The following RBFOX2 variants were observed in gnomAD, a reference collection of about 807,000 sequenced individuals.
The protein encoded by RBFOX2 is RNA binding protein fox-1 homolog 2.
Under a neutral mutation model 49.1 loss-of-function variants are expected in RBFOX2, and 10 were observed. The ratio of observed to expected loss-of-function variants is 0.20; its 90% confidence interval spans 0.13 to 0.35. RBFOX2 has a LOEUF of 0.35. Ranked by LOEUF, RBFOX2 falls within the 10% of genes least tolerant of loss-of-function variation. The pLI is 1.00. For missense variants in RBFOX2, 323 were observed against 486.9 expected, an observed-to-expected ratio of 0.66 and a Z score of 3.17; for synonymous variants, 183 against 187.4, an observed-to-expected ratio of 0.98 and a Z score of 0.19.
intron 2 of RBFOX2, among the ~76,000 whole-genome samples, chr22:35,796,247 T>C (rs1948757307): frequency 6.6e-6 from 1 of 152,216 alleles, no homozygotes; most frequent in Non-Finnish European, 1.5e-5. Context: ...TTAGGTAATA[T>C]CCATTGTTAT....
At chr22:35,758,204 G>A (rs913501324) in intron 9 of RBFOX2, among the ~76,000 whole-genome samples, 24 of 152,156 alleles carry the variant, frequency 1.6e-4, no homozygotes, top group African/African-American at 5.8e-4. Context: ...AGTGTTCAAT[G>A]TAATGCACAG....
chr22:35,898,179 G>A (rs955743494), intron 1 of RBFOX2: 32 of 749,482 alleles, frequency 4.3e-5, no homozygotes, highest in South Asian at 1.2e-4. Flanking sequence ...GTGACCCCAC[G>A]CGTCCAAGGT....
chr22:35,810,177 G>C (rs1376449508), intron 1 of RBFOX2, among the ~76,000 whole-genome samples, 173 bp from the exon 3 acceptor site: 1 of 135,000 alleles, frequency 7.4e-6, no homozygotes, highest in African/African-American at 2.9e-5. Flanking sequence ...ATAGATATAT[G>C]TATGTGGACA....
At chr22:35,771,850 ATCC>A (rs1425011291) in intron 4 of RBFOX2, among the ~76,000 whole-genome samples, 14 of 152,202 alleles carry the variant, frequency 9.2e-5, no homozygotes, top group Non-Finnish European at 1.3e-4. Context: ...TTCACAGATT[ATCC>A]AGGTTTAAAA....
At chr22:35,838,516 T>G (rs972003482) in intron 1 of RBFOX2, among the ~76,000 whole-genome samples, 1 of 152,150 alleles carries the variant, frequency 6.6e-6, no homozygotes, top group Admixed American at 6.5e-5. Context: ...TGTACCAGCA[T>G]CCCCAGCGTC....
At chr22:35,939,244 C>G (rs1206949848), upstream of RBFOX2, 4 of 497,478 alleles carry the variant, frequency 8.0e-6, no homozygotes, top group Non-Finnish European at 1.2e-5. Context: ...ATCCCCAGCC[C>G]CAACTCACAC....
chr22:35,892,557 T>G (rs1255588736), intron 1 of RBFOX2, among the ~76,000 whole-genome samples: 1 of 152,228 alleles, frequency 6.6e-6, no homozygotes, highest in Admixed American at 6.5e-5. Context: ...AATGCCCATC[T>G]GCACCAATTC....
At chr22:35,875,656 G>A (rs1208619771) in intron 1 of RBFOX2, among the ~76,000 whole-genome samples, 9 of 144,680 alleles carry the variant, frequency 6.2e-5, no homozygotes, top group Non-Finnish European at 1.4e-4. Flanking sequence ...GTGTGTGTGT[G>A]TGTGTGTGTG....
chr22:35,929,073 T>C lies in RBFOX2; in HGVS notation c.-34+9774A>G, dbSNP rs553138810. On this transcript the variant is annotated intron_variant, in intron 1 of 13. Coordinates refer to the RBFOX2 transcript ENST00000359369. ...GTTCAAAGCTAAATTGAACTATGAT[T>C]GCACCACCACACTCCAGCATTGGCG... 1.2e-4 allele frequency among the ~76,000 whole-genome samples: 18 copies of C among 152,260 alleles called. 1 individual carries two copies. In the South Asian group the frequency reaches 3.5e-3, roughly 30 times the overall value.
At chr22:36,020,076 C>T (rs2059183915) in intron 1 of RBFOX2, among the ~76,000 whole-genome samples, 1 of 152,042 alleles carries the variant, frequency 6.6e-6, no homozygotes, top group Non-Finnish European at 1.5e-5. Flanking sequence ...AGAACAGAGC[C>T]CTCAGAAATA....
In RBFOX2 at chr22:35,805,056, G is replaced by C. The variant is rs185764388; in HGVS notation, c.252+4724C>G. On this transcript the variant is annotated intron_variant, in intron 2 of 11. Transcript: ENST00000405409. ...TAATCCCAGCACTTTGGGAGGCCGA[G>C]GCGGGCGGATCACGAGGTCAGGAGA... Among the ~76,000 whole-genome samples, 97 of 152,120 alleles carry C rather than the reference G, an allele frequency of 6.4e-4. 1 individual carries two copies. In the East Asian group the frequency reaches 0.017, roughly 26 times the overall value.
chr22:35,910,042 T>C (rs2049609968), intron 1 of RBFOX2, among the ~76,000 whole-genome samples: 1 of 152,256 alleles, frequency 6.6e-6, no homozygotes, highest in Admixed American at 6.5e-5. Context: ...AAAGTCATGA[T>C]TTTTTGCTCT....
At chr22:35,974,461 G>A (rs1369246831) in intron 1 of RBFOX2, among the ~76,000 whole-genome samples, 3 of 152,112 alleles carry the variant, frequency 2.0e-5, no homozygotes. Flanking sequence ...GGCCGAGGCG[G>A]GCAGATCACG....
At chr22:35,974,231 A>G (rs1028577204) in intron 1 of RBFOX2, among the ~76,000 whole-genome samples, 2 of 152,244 alleles carry the variant, frequency 1.3e-5, no homozygotes, top group Non-Finnish European at 2.9e-5. Flanking sequence ...TTTTCCTTAA[A>G]GGGAAAACAC....
chr22:35,996,891 T>A (rs1345702079), intron 1 of RBFOX2: 1 of 152,140 alleles, frequency 6.6e-6, no homozygotes, highest in Non-Finnish European at 1.5e-5. Context: ...CCCTTTCCTA[T>A]CAGCCAAAAA....
chr22:35,887,184 AG>A (rs2046679933), intron 1 of RBFOX2, among the ~76,000 whole-genome samples: 1 of 152,242 alleles, frequency 6.6e-6, no homozygotes, highest in Non-Finnish European at 1.5e-5. Flanking sequence ...CAAATAGTAA[AG>A]GCGGCTTTCC....
At chr22:35,799,193 A>G (rs1949325449) in intron 2 of RBFOX2, among the ~76,000 whole-genome samples, 1 of 152,246 alleles carries the variant, frequency 6.6e-6, no homozygotes, top group South Asian at 2.1e-4. Flanking sequence ...TCATATCTGA[A>G]GAGTATTCAC....
exon 2 of RBFOX2, chr22:35,809,792 A>G (rs1337268059): frequency 1.2e-5 from 20 of 1,613,816 alleles, no homozygotes; most frequent in Non-Finnish European, 1.5e-5. Context: ...TAAGAGATCC[A>G]TTTTGTGTGC....
intron 9 of RBFOX2, among the ~76,000 whole-genome samples, chr22:35,753,771 CTTTTTTTTTTTTTT>C (rs869178693): frequency 7.3e-5 from 4 of 54,470 alleles, no homozygotes; most frequent in African/African-American, 2.8e-4. Flanking sequence ...GTAGACAAGT[CTTTTTTTTTTTTTT>C]TTTTTTTTTT....
Sources: gnomAD v4.1 joint callset for allele counts (sites outside exome capture counted in the v4.1 genomes callset) on GRCh38, gnomAD v4.1.1 for gene constraint, MANE v1.5 for transcripts, NCBI Gene and HGNC (gene_info 2026-07-23, HGNC 2026-07-21) for gene names.